Variants in COL4A5 observed in about 807,000 individuals in gnomAD.
COL4A5 encodes the protein collagen alpha-5(IV) chain.
Under a neutral mutation model 130.2 loss-of-function variants are expected in COL4A5, and 26 were observed. The observed-to-expected ratio is 0.20, with a 90% confidence interval of 0.15 to 0.28. The LOEUF is 0.28. Ranked by LOEUF, COL4A5 falls within the 10% of genes least tolerant of loss-of-function variation. The probability of loss-of-function intolerance (pLI) is 1.00; values close to 1 mark genes in which losing one functional copy is unlikely to be tolerated. For missense variants in COL4A5, 1,131 were observed against 1,344.3 expected (o/e 0.84, Z 2.48); for synonymous variants, 496 against 439.6 (o/e 1.13, Z -1.60).
intron 36 of COL4A5, among the ~76,000 whole-genome samples, chrX:108,629,490 T>C (rs1473230353): frequency 9.1e-6 from 1 of 110,241 alleles, no homozygotes; most frequent in Non-Finnish European, 1.9e-5. Flanking sequence ...ATATATAATA[T>C]ATGTCAAGCC....
In COL4A5 at chrX:108,542,886, T is replaced by G. The variant is rs758571712; in HGVS notation, c.141+3081T>G. On this transcript the variant is annotated intron_variant, in intron 2 of 52. Transcript: ENST00000328300. ...ATGATGAGCATTTTTTCATGTGTCT[T>G]TTGGCTGCATAAATGTCTTCTTTTG... is the stretch of plus-strand genomic sequence containing the variant. 7.2e-3 allele frequency among the ~76,000 whole-genome samples: 774 copies of G among 107,223 alleles called. 3 individuals are homozygous for G. The highest frequency in any genetic ancestry group is 0.026 in the African/African-American group (742 of 28,576). The allele number at this position is 107,223 out of a possible 115,157, so 93.1% of individuals were successfully genotyped here. A position where few individuals can be genotyped will look rare whatever the true frequency, so the allele number is the denominator to read the frequency against.
rs764068055 is a variant in COL4A5, at chrX:108,586,700, G to A, written c.1118G>A (p.Arg373Gln). The change falls in exon 19 of 53, where the codon CGA (arginine) becomes CAA (glutamine). Residue 373 changes from arginine to glutamine, a missense_variant. Physicochemically the swap from Arg to Gln is conservative, Grantham distance 43. Coordinates refer to ENST00000328300, the MANE Select transcript of COL4A5 (RefSeq NM_033380.3). ...LPGLPGEKGE[R>Q]GFPGIQGPPG... ...GGGTTGCCTGGAGAAAAAGGAGAGCGAGGATTTCCTGGAATACAGGGTCCA... is the reference window on the plus strand; with the variant it reads ...GGGTTGCCTGGAGAAAAAGGAGAGCAAGGATTTCCTGGAATACAGGGTCCA... The A allele has an allele frequency of 1.2e-5, 14 of 1,207,398 alleles. No individual in the cohort carries two copies. In the East Asian group the frequency reaches 1.2e-4, roughly 10 times the overall value.
intron 1 of COL4A5, among the ~76,000 whole-genome samples, chrX:108,509,889 A>C (rs2065163788): frequency 8.9e-6 from 1 of 112,562 alleles, no homozygotes; most frequent in Non-Finnish European, 1.9e-5. Flanking sequence ...ACAATAGCAA[A>C]GACATGGAAT....
intron 35 of COL4A5, 148 bp downstream of exon 35, chrX:108,625,942 C>A: frequency 2.0e-6 from 1 of 510,672 alleles, no homozygotes; most frequent in South Asian, 3.1e-5. Flanking sequence ...TCTTGTTACA[C>A]AAATATTTAA....
chrX:108,539,679 C>A, intron 1 of COL4A5, 67 bp from the exon 2 acceptor site: 2 of 881,716 alleles, frequency 2.3e-6, no homozygotes, highest in Non-Finnish European at 3.4e-6. Flanking sequence ...TTCAGTTGAG[C>A]TGTAAGTCAG....
chrX:108,689,261 TTTCTC>T (rs1391708216), intron 49 of COL4A5: 1 of 549,074 alleles, frequency 1.8e-6, no homozygotes, highest in Non-Finnish European at 2.2e-6. Context: ...TTCAGGTAAT[TTTCTC>T]TAGTCTTTCT....
intron 1 of COL4A5, among the ~76,000 whole-genome samples, chrX:108,488,205 A>C (rs895831895): frequency 8.9e-6 from 1 of 112,485 alleles, no homozygotes; most frequent in African/African-American, 3.2e-5. Context: ...ATGTGCACAC[A>C]TTCTTCCCCC....
At chrX:108,544,763 A>T (rs1941282140) in intron 2 of COL4A5, among the ~76,000 whole-genome samples, 1 of 110,994 alleles carries the variant, frequency 9.0e-6, no homozygotes, top group Admixed American at 9.6e-5. Context: ...TTTGTAAGCT[A>T]TTAATTATTG....
intron 1 of COL4A5, among the ~76,000 whole-genome samples, chrX:108,526,869 G>A (rs1401922683): frequency 9.5e-6 from 1 of 105,204 alleles, no homozygotes; most frequent in African/African-American, 3.5e-5. Context: ...ATAGGCTCAA[G>A]TGATCCTCCC....
chrX:108,512,776 A>T (rs1014243612), intron 1 of COL4A5, among the ~76,000 whole-genome samples: 3 of 111,515 alleles, frequency 2.7e-5, no homozygotes, highest in African/African-American at 9.8e-5. Flanking sequence ...GCGAAATTAA[A>T]ATTGCTAATG....
At chrX:108,623,352 C>A (rs2067093414) in intron 33 of COL4A5, among the ~76,000 whole-genome samples, 1 of 111,105 alleles carries the variant, frequency 9.0e-6, no homozygotes, top group African/African-American at 3.3e-5. Context: ...GGGGAAGTCA[C>A]TGAAAGTAGA....
At chrX:108,524,844 T>G (rs1332109224) in intron 1 of COL4A5, among the ~76,000 whole-genome samples, 1 of 112,153 alleles carries the variant, frequency 8.9e-6, no homozygotes, top group African/African-American at 3.2e-5. Flanking sequence ...TCCATTGTGG[T>G]TGGAAAACAT....
chrX:108,466,783 T>G, intron 1 of COL4A5, among the ~76,000 whole-genome samples: 1 of 109,934 alleles, frequency 9.1e-6, no homozygotes, highest in African/African-American at 3.3e-5. Flanking sequence ...TTTTTTTTTC[T>G]TTTAGAAATG....
At chrX:108,638,222 C>CA (rs2067390759) in intron 36 of COL4A5, among the ~76,000 whole-genome samples, 1 of 110,858 alleles carries the variant, frequency 9.0e-6, no homozygotes, top group Non-Finnish European at 1.9e-5. Context: ...GATTATATGC[C>CA]ATGGTCAAGT....
intron 44 of COL4A5, among the ~76,000 whole-genome samples, chrX:108,678,004 G>C (rs2068341330): frequency 8.9e-6 from 1 of 111,837 alleles, no homozygotes; most frequent in African/African-American, 3.2e-5. Context: ...TTTAGGCTTT[G>C]AAATTAGATA....
At chrX:108,540,709 G>A (rs2065525288) in intron 2 of COL4A5, among the ~76,000 whole-genome samples, 1 of 111,636 alleles carries the variant, frequency 9.0e-6, no homozygotes, top group African/African-American at 3.3e-5. Flanking sequence ...CCTTGGCAGG[G>A]GATTCCAGGA....
At chrX:108,686,282 A>G (rs1355916556) in intron 48 of COL4A5, among the ~76,000 whole-genome samples, 153 bp downstream of exon 48, 1 of 111,989 alleles carries the variant, frequency 8.9e-6, no homozygotes, top group African/African-American at 3.2e-5. Context: ...AGGAAAGCAC[A>G]TAATAAGGAG....
At chrX:108,518,546 A>G (rs935229134) in intron 1 of COL4A5, among the ~76,000 whole-genome samples, 1 of 111,129 alleles carries the variant, frequency 9.0e-6, no homozygotes, top group Non-Finnish European at 1.9e-5. Context: ...AAAGTCTGGT[A>G]ACTTTTTTTA....
At chrX:108,580,435 T>C (rs192366573) in intron 13 of COL4A5, 98 bp from the exon 14 acceptor site, 63 of 695,478 alleles carry the variant, frequency 9.1e-5, no homozygotes, top group South Asian at 2.1e-5. Context: ...TAGCTGTGGT[T>C]CAGTTTATTA....
Sources: allele counts gnomAD v4.1 joint callset (sites outside exome capture counted in the v4.1 genomes callset), GRCh38; gene constraint gnomAD v4.1.1; transcripts MANE v1.5; gene names NCBI Gene and HGNC (gene_info 2026-07-23, HGNC 2026-07-21).